Variants in GLIS3 observed in about 807,000 individuals in gnomAD.
The protein encoded by GLIS3 is zinc finger protein GLIS3.
Under a neutral mutation model 78.6 loss-of-function variants are expected in GLIS3, and 53 were observed. The observed-to-expected ratio is 0.67, with a 90% CI of 0.54 to 0.85. The LOEUF (loss-of-function observed/expected upper bound fraction) is 0.85, where lower values mean the gene tolerates loss of function less well. Among genes scored for constraint, GLIS3 ranks in the 40% least tolerant of loss-of-function variants. GLIS3 has a pLI of 0.00. For synonymous variants in GLIS3, 684 were observed against 509.9 expected, an observed-to-expected ratio of 1.34 and a Z score of -4.60; for missense variants, 1,703 against 1,231.1, an observed-to-expected ratio of 1.38 and a Z score of -5.74.
chr9:4,421,335 T>C, the GLIS3 span, among the ~76,000 whole-genome samples: 1,780 of 152,224 alleles, frequency 0.012, 14 homozygotes, highest in Non-Finnish European at 0.019. Context: ...TGGTTCCAAC[T>C]GAAAGATGCT....
the GLIS3 span, among the ~76,000 whole-genome samples, chr9:4,448,195 G>C: frequency 3.9e-5 from 6 of 152,220 alleles, no homozygotes; most frequent in African/African-American, 1.4e-4. Context: ...CTTAGCTGCA[G>C]ATATAATCGG....
intron 2 of GLIS3, among the ~76,000 whole-genome samples, chr9:4,154,760 A>C (rs1338007645): frequency 6.6e-6 from 1 of 152,192 alleles, no homozygotes; most frequent in African/African-American, 2.4e-5. Flanking sequence ...GCAACTTGGT[A>C]ACACAGTCAG....
chr9:4,357,211 A>C, the GLIS3 span, among the ~76,000 whole-genome samples: 4 of 152,206 alleles, frequency 2.6e-5, no homozygotes, highest in African/African-American at 9.7e-5. Context: ...AAGTTTGGTT[A>C]AACTTTATTC....
At chr9:4,187,213 T>C (rs531709522) in intron 2 of GLIS3, among the ~76,000 whole-genome samples, 1 of 152,376 alleles carries the variant, frequency 6.6e-6, no homozygotes, top group South Asian at 2.1e-4. Flanking sequence ...TTTCTACATA[T>C]GGCTGGCCAG....
intron 2 of GLIS3, among the ~76,000 whole-genome samples, chr9:4,181,419 C>T (rs1817314176): frequency 6.6e-6 from 1 of 152,270 alleles, no homozygotes; most frequent in South Asian, 2.1e-4. Context: ...TCCAGAATGA[C>T]TGTGCTCCAT....
At chr9:4,246,932 A>G (rs1823857723) in intron 2 of GLIS3, among the ~76,000 whole-genome samples, 1 of 152,238 alleles carries the variant, frequency 6.6e-6, no homozygotes, top group Admixed American at 6.5e-5. Flanking sequence ...AACATTGGCA[A>G]TAAAGAAGAT....
chr9:3,891,901 C>T (rs1822480172), intron 7 of GLIS3, among the ~76,000 whole-genome samples: 1 of 152,134 alleles, frequency 6.6e-6, no homozygotes, highest in Non-Finnish European at 1.5e-5. Flanking sequence ...GTGAACCAGC[C>T]TGAGGAGCAA....
chr9:4,162,293 C>T (rs955358242), intron 2 of GLIS3, among the ~76,000 whole-genome samples: 4 of 152,242 alleles, frequency 2.6e-5, no homozygotes, highest in African/African-American at 7.2e-5. Flanking sequence ...AACTTGATTA[C>T]ATCTACAAAA....
intron 4 of GLIS3, among the ~76,000 whole-genome samples, chr9:4,032,842 G>A (rs886846982): frequency 2.6e-4 from 40 of 151,778 alleles, no homozygotes; most frequent in African/African-American, 9.5e-4. Context: ...AATGCCAAGT[G>A]GAATTGAGAA....
intron 4 of GLIS3, among the ~76,000 whole-genome samples, chr9:4,032,111 C>A (rs1289068621): frequency 6.6e-6 from 1 of 152,108 alleles, no homozygotes; most frequent in Non-Finnish European, 1.5e-5. Flanking sequence ...CAAGTGAGAC[C>A]CACCGTCAGG....
intron 8 of GLIS3, chr9:3,878,578 A>G (rs978023788): frequency 2.0e-5 from 3 of 152,092 alleles, no homozygotes; most frequent in Non-Finnish European, 4.4e-5. Flanking sequence ...TATTCAACCC[A>G]TTATTTTGTT....
chr9:4,003,505 A>G (rs1260434758), intron 4 of GLIS3, among the ~76,000 whole-genome samples: 3 of 152,208 alleles, frequency 2.0e-5, no homozygotes, highest in Non-Finnish European at 4.4e-5. Context: ...TCTCAATCTT[A>G]TAGAATTGCA....
chr9:4,158,911 G>A (rs1485226943), intron 2 of GLIS3, among the ~76,000 whole-genome samples: 4 of 151,740 alleles, frequency 2.6e-5, no homozygotes, highest in Non-Finnish European at 5.9e-5. Context: ...AAGCTGGGAT[G>A]CAAATAGTGA....
chr9:4,128,186 G>A (rs992394053), intron 2 of GLIS3, among the ~76,000 whole-genome samples: 3 of 152,140 alleles, frequency 2.0e-5, no homozygotes, highest in African/African-American at 4.8e-5. Flanking sequence ...TCCACCTAGT[G>A]AGCACCTCTG....
chr9:4,178,211 T>A (rs1816973958), intron 2 of GLIS3, among the ~76,000 whole-genome samples: 2 of 152,088 alleles, frequency 1.3e-5, no homozygotes, highest in African/African-American at 4.8e-5. Flanking sequence ...CACAAGGAGA[T>A]CTTAGAGTTG....
chr9:4,357,075 A>G, the GLIS3 span, among the ~76,000 whole-genome samples: 2 of 152,228 alleles, frequency 1.3e-5, no homozygotes, highest in Admixed American at 6.5e-5. Flanking sequence ...AACTGAAACA[A>G]AAGTTCTATT....
At chr9:4,143,048 G>T (rs948328572) in intron 2 of GLIS3, among the ~76,000 whole-genome samples, 3 of 151,762 alleles carry the variant, frequency 2.0e-5, no homozygotes, top group Non-Finnish European at 2.9e-5. Context: ...AAAATATCCA[G>T]AAAAAAAGAA....
At chr9:4,062,033 G>C (rs879289818) in intron 4 of GLIS3, among the ~76,000 whole-genome samples, 2 of 152,170 alleles carry the variant, frequency 1.3e-5, no homozygotes, top group African/African-American at 2.4e-5. Flanking sequence ...ATTTCAGGCT[G>C]TCCCAGCATC....
At chr9:3,994,079 T>C (rs1422768387) in intron 4 of GLIS3, among the ~76,000 whole-genome samples, 1 of 152,170 alleles carries the variant, frequency 6.6e-6, no homozygotes, top group African/African-American at 2.4e-5. Context: ...GACCAAAGAA[T>C]CTGCATTTTT....
Sources: allele counts gnomAD v4.1 joint callset (sites outside exome capture counted in the v4.1 genomes callset), GRCh38; gene constraint gnomAD v4.1.1; transcripts MANE v1.5; gene names NCBI Gene and HGNC (gene_info 2026-07-23, HGNC 2026-07-21).